NLGN1: variants seen among roughly 807,000 people sequenced by gnomAD.
NLGN1 encodes neuroligin-1.
A neutral mutation model predicts 65.5 loss-of-function variants in NLGN1; 12 were observed. That is an observed-to-expected ratio of 0.18 (90% CI 0.12 to 0.30). The LOEUF (loss-of-function observed/expected upper bound fraction) is 0.30, where lower values mean the gene tolerates loss of function less well. Ranked by LOEUF, NLGN1 falls within the 10% of genes least tolerant of loss-of-function variation. The pLI, the probability that NLGN1 is intolerant of heterozygous loss-of-function variation, is 1.00. For missense variants in NLGN1, 750 were observed against 1,007.1 expected (o/e 0.74, Z 3.46); for synonymous variants, 350 against 359.5 (o/e 0.97, Z 0.30).
At chr3:173,834,543 G>T (rs1723210178) in intron 4 of NLGN1, among the ~76,000 whole-genome samples, 1 of 152,016 alleles carries the variant, frequency 6.6e-6, no homozygotes, top group Non-Finnish European at 1.5e-5. Context: ...ATTTACAAGT[G>T]ACCTAAAATT....
At chr3:173,457,744 G>A (rs980716380) in intron 2 of NLGN1, among the ~76,000 whole-genome samples, 13 of 152,046 alleles carry the variant, frequency 8.6e-5, no homozygotes, top group Non-Finnish European at 1.8e-4. Flanking sequence ...AAGCAATAAG[G>A]CTATCTTATG....
chr3:173,420,058 C>T (rs1219858633), intron 1 of NLGN1, among the ~76,000 whole-genome samples: 2 of 136,828 alleles, frequency 1.5e-5, no homozygotes, highest in Non-Finnish European at 3.2e-5. Context: ...CTTGATAGAT[C>T]TTTTTTCTTT....
intron 4 of NLGN1, among the ~76,000 whole-genome samples, chr3:174,253,745 A>G (rs1321272238): frequency 1.3e-5 from 2 of 152,062 alleles, no homozygotes; most frequent in Non-Finnish European, 2.9e-5. Context: ...TTGACCTTCT[A>G]CTTGTTTTAA....
intron 4 of NLGN1, among the ~76,000 whole-genome samples, chr3:173,926,353 C>T (rs1743004804): frequency 6.6e-6 from 1 of 152,114 alleles, no homozygotes; most frequent in African/African-American, 2.4e-5. Context: ...ACTCTAGTTT[C>T]TCTAAATAAT....
At chr3:173,622,382 T>C (rs1754137707) in intron 3 of NLGN1, among the ~76,000 whole-genome samples, 1 of 152,044 alleles carries the variant, frequency 6.6e-6, no homozygotes, top group Non-Finnish European at 1.5e-5. Flanking sequence ...GGCTGTTTCC[T>C]GAGACTCATA....
At chr3:173,680,561 G>C (rs912053518) in intron 3 of NLGN1, among the ~76,000 whole-genome samples, 1 of 152,030 alleles carries the variant, frequency 6.6e-6, no homozygotes, top group African/African-American at 2.4e-5. Context: ...CTGAAAAAAC[G>C]AAATTCAGTT....
intron 4 of NLGN1, among the ~76,000 whole-genome samples, chr3:174,103,605 G>A (rs1203771908): frequency 3.9e-5 from 6 of 152,024 alleles, no homozygotes; most frequent in African/African-American, 1.4e-4. Flanking sequence ...ACATAACTCA[G>A]CTGCATTTTT....
intron 4 of NLGN1, among the ~76,000 whole-genome samples, chr3:174,114,968 A>G (rs902711845): frequency 7.9e-5 from 12 of 152,190 alleles, no homozygotes; most frequent in Non-Finnish European, 1.6e-4. Context: ...TATATAGCCA[A>G]TAAGGAGCAG....
At chr3:173,518,913 G>A (rs1203855962) in intron 2 of NLGN1, among the ~76,000 whole-genome samples, 1 of 152,138 alleles carries the variant, frequency 6.6e-6, no homozygotes, top group Admixed American at 6.5e-5. Flanking sequence ...GACCTTCACA[G>A]CAGCCCCTCT....
chr3:173,604,517 T>C (rs907493296), exon 3 of NLGN1: 1 of 1,443,910 alleles, frequency 6.9e-7, no homozygotes, highest in African/African-American at 1.4e-5. Context: ...AGGTATATTC[T>C]ACCATTATAC....
intron 4 of NLGN1, among the ~76,000 whole-genome samples, chr3:173,895,621 T>A (rs1736211333): frequency 6.6e-6 from 1 of 152,070 alleles, no homozygotes; most frequent in South Asian, 2.1e-4. Flanking sequence ...GTCCTTTGAA[T>A]GATAGACAGA....
intron 4 of NLGN1, among the ~76,000 whole-genome samples, chr3:173,978,028 T>C (rs1717903841): frequency 6.6e-6 from 1 of 151,946 alleles, no homozygotes; most frequent in Non-Finnish European, 1.5e-5. Context: ...AGGAGAGAAT[T>C]GTCTTGAAGC....
intron 4 of NLGN1, among the ~76,000 whole-genome samples, chr3:174,212,251 G>A (rs977331013): frequency 1.3e-5 from 2 of 152,216 alleles, no homozygotes. Flanking sequence ...CAGCAGGGCT[G>A]GCCGGCTGCT....
chr3:173,806,254 C>CTT (rs984224374), intron 3 of NLGN1, among the ~76,000 whole-genome samples: 12 of 152,218 alleles, frequency 7.9e-5, no homozygotes, highest in African/African-American at 2.9e-4. Flanking sequence ...GAAGATATCA[C>CTT]TTTATTATTA....
intron 4 of NLGN1, among the ~76,000 whole-genome samples, chr3:174,064,573 T>C (rs1738095661): frequency 6.7e-6 from 1 of 150,086 alleles, no homozygotes; most frequent in Non-Finnish European, 1.5e-5. Flanking sequence ...TAATATTAAT[T>C]ATAATATTAA....
chr3:174,112,868 C>T (rs1394496792), intron 4 of NLGN1, among the ~76,000 whole-genome samples: 1 of 151,872 alleles, frequency 6.6e-6, no homozygotes, highest in Non-Finnish European at 1.5e-5. Context: ...AGTCAGTGAA[C>T]ATATGAATTC....
chr3:173,752,173 C>G (rs1041992722), intron 3 of NLGN1, among the ~76,000 whole-genome samples: 1 of 152,072 alleles, frequency 6.6e-6, no homozygotes, highest in Non-Finnish European at 1.5e-5. Context: ...TGCCAAATAC[C>G]TCTTCTGCCA....
intron 4 of NLGN1, among the ~76,000 whole-genome samples, chr3:174,273,291 A>ACT (rs10589673): frequency 4.7e-5 from 7 of 150,494 alleles, no homozygotes; most frequent in East Asian, 3.9e-4. Context: ...TCTTTCATTC[A>ACT]CTCTCTCTCT....
chr3:174,035,496 A>G (rs1730935635), intron 4 of NLGN1, among the ~76,000 whole-genome samples: 1 of 152,166 alleles, frequency 6.6e-6, no homozygotes, highest in Admixed American at 6.6e-5. Flanking sequence ...ATGCCACACG[A>G]TCTCACATGT....
Sources: gnomAD v4.1 joint callset for allele counts (sites outside exome capture counted in the v4.1 genomes callset) on GRCh38, gnomAD v4.1.1 for gene constraint, MANE v1.5 for transcripts, NCBI Gene and HGNC (gene_info 2026-07-23, HGNC 2026-07-21) for gene names.